The following RAP1A variants were observed in gnomAD, a reference collection of about 807,000 sequenced individuals.
The protein encoded by RAP1A is ras-related protein Rap-1A.
A neutral mutation model predicts 26.4 loss-of-function variants in RAP1A; 6 were observed. The ratio of observed to expected loss-of-function variants is 0.23; its 90% CI spans 0.12 to 0.45. The LOEUF (loss-of-function observed/expected upper bound fraction) is 0.45. RAP1A is among the 20% of genes least tolerant of loss of function. RAP1A has a pLI of 0.99. For synonymous variants in RAP1A, 73 were observed against 79.4 expected, an observed-to-expected ratio of 0.92 and a Z score of 0.43; for missense variants, 121 against 217.2, an observed-to-expected ratio of 0.56 and a Z score of 2.78.
chr1:111,704,626 G>T, intron 6 of RAP1A, 140 bp downstream of exon 6: 1 of 911,548 alleles, frequency 1.1e-6, no homozygotes, highest in Non-Finnish European at 1.5e-6. Flanking sequence ...AGTAATTCCT[G>T]GAAACTATAT....
At chr1:111,556,913 A>ATATT (rs202111917) in intron 1 of RAP1A, among the ~76,000 whole-genome samples, 1 of 148,520 alleles carries the variant, frequency 6.7e-6, no homozygotes, top group East Asian at 1.9e-4. Context: ...ATATATATGT[A>ATATT]TGTACATATA....
At chr1:111,628,119 T>C (rs1659457135) in intron 1 of RAP1A, among the ~76,000 whole-genome samples, 1 of 152,086 alleles carries the variant, frequency 6.6e-6, no homozygotes, top group Admixed American at 6.6e-5. Context: ...ATCTACCCCA[T>C]AGGATTGTTG....
At chr1:111,698,929 T>A (rs1156258400) in intron 4 of RAP1A, among the ~76,000 whole-genome samples, 1 of 147,928 alleles carries the variant, frequency 6.8e-6, no homozygotes, top group East Asian at 2.0e-4. Context: ...ATAGCTAAAA[T>A]GAATACTTTC....
rs1190600229 is a variant in RAP1A at position 111,696,348 on chromosome 1, T to C, written c.126+939T>C. 3.9e-5 allele frequency among the ~76,000 whole-genome samples: 6 copies of C among 152,346 alleles called. No individual in the cohort carries two copies. In the East Asian group the frequency reaches 1.2e-3, roughly 29 times the overall value. The stretch of plus-strand genomic sequence containing the variant: ...AACTTTTGTTGAATTAATTTGTTAG[T>C]TCATGAAGGACTACTAGTAGAGCAG... On this transcript the variant is annotated intron_variant, in intron 3 of 7. Transcript: ENST00000369709.
chr1:111,631,085 A>T (rs1659553336), intron 1 of RAP1A, among the ~76,000 whole-genome samples: 1 of 152,228 alleles, frequency 6.6e-6, no homozygotes, highest in African/African-American at 2.4e-5. Context: ...TACAGATAAA[A>T]TATTATGTAT....
Position 111,557,509 on chromosome 1 carries a change from C to A in RAP1A, c.-28+15000C>A, listed in dbSNP as rs137903629. ...AGGTTGCAGTGAGCCGAGATCACACCACTGCACTCCAGCCTGGGCAATAGA... is the reference window on the plus strand; with the variant it reads ...AGGTTGCAGTGAGCCGAGATCACACAACTGCACTCCAGCCTGGGCAATAGA... On this transcript the variant is annotated intron_variant, in intron 1 of 7. Coordinates refer to the RAP1A transcript ENST00000356415. 2.9e-3 allele frequency among the ~76,000 whole-genome samples: 435 copies of A among 151,822 alleles called. 3 individuals carry two copies. The highest frequency in any genetic ancestry group is 9.9e-3 in the African/African-American group (408 of 41,384).
chr1:111,679,026 A>C (rs1661212270), intron 1 of RAP1A, among the ~76,000 whole-genome samples: 1 of 152,240 alleles, frequency 6.6e-6, no homozygotes, highest in Non-Finnish European at 1.5e-5. Context: ...TTGGGAAAAA[A>C]AATCCAACAT....
chr1:111,543,408 T>A (rs2185029), intron 1 of RAP1A, among the ~76,000 whole-genome samples: 1 of 151,824 alleles, frequency 6.6e-6, no homozygotes, highest in African/African-American at 2.4e-5. Context: ...CCAAATACCA[T>A]CTCCCGTCTA....
At chr1:111,569,417 C>T (rs1405410318) in intron 1 of RAP1A, among the ~76,000 whole-genome samples, 1 of 149,400 alleles carries the variant, frequency 6.7e-6, no homozygotes, top group Admixed American at 6.7e-5. Context: ...AAAAGTTACA[C>T]TTGGATTTCC....
At chr1:111,645,463 A>T (rs1184885658) in intron 1 of RAP1A, among the ~76,000 whole-genome samples, 3 of 152,352 alleles carry the variant, frequency 2.0e-5, no homozygotes, top group Admixed American at 6.5e-5. Context: ...TGAAGTAGTG[A>T]CATCAGTTAT....
chr1:111,592,239 A>G (rs1204585675), intron 1 of RAP1A, among the ~76,000 whole-genome samples: 1 of 152,228 alleles, frequency 6.6e-6, no homozygotes, highest in Non-Finnish European at 1.5e-5. Context: ...CGTGCTGCAC[A>G]TTCTTGGGGA....
rs780268561 is a variant in RAP1A, at chr1:111,709,126, C to T, written c.469-23C>T. 16 of 1,599,636 alleles carry T rather than the reference C, an allele frequency of 1.0e-5. No homozygotes were observed. The African/African-American group carries it at 1.2e-4, about 12-fold the overall frequency. On this transcript the variant is annotated intron_variant, in intron 6 of 7. Coordinates refer to ENST00000369709, the MANE Select transcript of RAP1A (RefSeq NM_002884.4). ...GTCTCAAAAACTGGTGGAGTAAGTA[C>T]TTTTTTTCTTGTTTTTACTTAGATA...
At position 111,564,759 on chromosome 1, in the gene RAP1A, G is replaced by A. The variant is rs555536909; in HGVS notation, c.-28+22250G>A. On this transcript the variant is annotated intron_variant, in intron 1 of 7. Transcript: ENST00000356415. ...GATCTCCTGACCTTGTGATCCATCCGCCTCGGCCTCCCAAAGTGCTAGGAT... is the reference window on the plus strand; with the variant it reads ...GATCTCCTGACCTTGTGATCCATCCACCTCGGCCTCCCAAAGTGCTAGGAT... Among the ~76,000 whole-genome samples the A allele has an allele frequency of 1.5e-4, 22 of 151,300 alleles. No individual in the cohort carries two copies. In the South Asian group the frequency reaches 3.1e-3, roughly 22 times the overall value.
chr1:111,619,833 C>A lies in RAP1A; in HGVS notation c.-129C>A. On this transcript the variant is annotated 5_prime_UTR_variant, in exon 1 of 8. Transcript: ENST00000369709. ...CTGCCGCCGCCGCTCCCGCTGCTGTCGCCGCGCAGAGCCGGAGCAGGAGCC... is the reference window on the plus strand; with the variant it reads ...CTGCCGCCGCCGCTCCCGCTGCTGTAGCCGCGCAGAGCCGGAGCAGGAGCC... The A allele has an allele frequency of 2.5e-6, 1 of 399,002 alleles. No homozygotes were observed. Among genetic ancestry groups the A allele is most frequent in the Non-Finnish European group, 4.4e-6 (1 of 226,906 alleles). The allele number at this position is 399,002 out of a possible 1,614,324, so 24.7% of individuals were successfully genotyped here. A position where few individuals can be genotyped will look rare whatever the true frequency, so the allele number is the denominator to read the frequency against.
intron 1 of RAP1A, among the ~76,000 whole-genome samples, chr1:111,590,786 C>A (rs1490439748): frequency 6.6e-6 from 1 of 152,090 alleles, no homozygotes; most frequent in Non-Finnish European, 1.5e-5. Context: ...AGCTTTAATG[C>A]ATTGCTAGAT....
chr1:111,711,196 A>G (rs1265856316), intron 7 of RAP1A, among the ~76,000 whole-genome samples: 1 of 152,096 alleles, frequency 6.6e-6, no homozygotes, highest in Non-Finnish European at 1.5e-5. Context: ...TTACTGGTGT[A>G]TGTATTTGTT....
intron 1 of RAP1A, among the ~76,000 whole-genome samples, chr1:111,658,787 C>T (rs867094230): frequency 6.6e-6 from 1 of 152,220 alleles, no homozygotes; most frequent in Non-Finnish European, 1.5e-5. Context: ...ACTTCAGCTA[C>T]GACCTTACTG....
chr1:111,645,868 T>C (rs1319414076), intron 1 of RAP1A, among the ~76,000 whole-genome samples: 2 of 152,082 alleles, frequency 1.3e-5, no homozygotes, highest in East Asian at 3.8e-4. Flanking sequence ...CTTGGAGTCG[T>C]GGGTTAGGAG....
At position 111,695,380 on chromosome 1, in the gene RAP1A, G is replaced by T; in HGVS notation, c.97G>T (p.Asp33Tyr). 1.3e-6 allele frequency: 2 copies of T among 1,569,244 alleles called. No homozygotes were observed. The highest frequency in any genetic ancestry group is 2.4e-5 in the South Asian group (2 of 82,236). Reference sequence around the variant, plus strand: ...TCAGGGAATTTTTGTTGAAAAATATGACCCAACGATAGAAGATTCCTACAG... The same window carrying T: ...TCAGGGAATTTTTGTTGAAAAATATTACCCAACGATAGAAGATTCCTACAG... ...FVQGIFVEKYDPTIEDSYRKQ... is the reference protein window; with the variant it reads ...FVQGIFVEKYYPTIEDSYRKQ... Residue 33 changes from aspartate to tyrosine, a missense_variant, in exon 3 of 8, where the codon GAC becomes TAC. By Grantham distance (160) the Asp-to-Tyr change is radical. Coordinates refer to ENST00000369709, the MANE Select transcript of RAP1A (RefSeq NM_002884.4).
Sources: gnomAD v4.1 joint callset for allele counts (sites outside exome capture counted in the v4.1 genomes callset) on GRCh38, gnomAD v4.1.1 for gene constraint, MANE v1.5 for transcripts, NCBI Gene and HGNC (gene_info 2026-07-23, HGNC 2026-07-21) for gene names.